RC3H1: variants seen among roughly 807,000 people sequenced by gnomAD.
RC3H1 encodes roquin-1.
A neutral mutation model predicts 138.2 loss-of-function variants in RC3H1; 50 were observed. The observed-to-expected ratio is 0.36, with a 90% CI of 0.29 to 0.46. The LOEUF (loss-of-function observed/expected upper bound fraction) is 0.46, where lower values mean the gene tolerates loss of function less well. RC3H1 is among the 20% of genes least tolerant of loss of function. The pLI is 1.00. For missense variants in RC3H1, 1,031 were observed against 1,388.1 expected (o/e 0.74, Z 4.09); for synonymous variants, 462 against 489.1 (o/e 0.94, Z 0.73).
chr1:173,973,893 A>G (rs1212827433), intron 7 of RC3H1, among the ~76,000 whole-genome samples: 1 of 152,200 alleles, frequency 6.6e-6, no homozygotes, highest in Non-Finnish European at 1.5e-5. Context: ...TGGGTAAGCA[A>G]TAGTGATTAA....
chr1:173,970,255 A>G (rs1660298254), intron 9 of RC3H1, among the ~76,000 whole-genome samples: 1 of 152,202 alleles, frequency 6.6e-6, no homozygotes, highest in South Asian at 2.1e-4. Context: ...AATTTTGTGC[A>G]TGAAGTTTTG....
At chr1:173,983,141 T>C (rs1660889019) in intron 4 of RC3H1, 1 of 478,056 alleles carries the variant, frequency 2.1e-6, no homozygotes, top group Non-Finnish European at 3.6e-6. Flanking sequence ...TCTATCAAAA[T>C]GAATGAACTT....
intron 13 of RC3H1, among the ~76,000 whole-genome samples, chr1:173,956,584 A>G (rs1659656534): frequency 6.6e-6 from 1 of 150,612 alleles, no homozygotes; most frequent in Non-Finnish European, 1.5e-5. Context: ...ACTTGAACCC[A>G]GGAGGCGGAG....
In RC3H1 at chr1:173,938,767, T is replaced by C. The variant is rs1557915185; in HGVS notation, c.3356A>G (p.Asn1119Ser). 9 of 1,613,424 alleles carry C rather than the reference T, an allele frequency of 5.6e-6. No individual in the cohort carries two copies. The highest frequency in any genetic ancestry group is 6.8e-6 in the Non-Finnish European group (8 of 1,179,452). ...LSEDPEGGGD[N>S]NDSQRSGVTP... ...AACTCCTGATCTCTGGGAGTCATTA[T>C]TATCCCCTCCTCCCTCAGGGTCCTC... The change falls in exon 20 of 20, where the codon AAT becomes AGT. Residue 1119 changes from asparagine (N) to serine (S), a missense_variant. Asn to Ser is a conservative substitution (Grantham distance 46). This residue lies in a region of RC3H1 where 716 missense variants were observed against 837.9 expected (regional missense o/e 0.85). Transcript: ENST00000367696.
intron 7 of RC3H1, among the ~76,000 whole-genome samples, chr1:173,977,351 T>C (rs1422372502): frequency 6.6e-6 from 1 of 152,074 alleles, no homozygotes; most frequent in Non-Finnish European, 1.5e-5. Context: ...GCAGGGGATA[T>C]AGGGGTATTG....
Position 173,964,936 on chromosome 1 carries a change from G to C in RC3H1, c.1519C>G (p.Leu507Val). The change falls in exon 10 of 20, where the codon CTT becomes GTT. Residue 507 changes from leucine (L) to valine (V), a missense_variant. By Grantham distance (32) the Leu-to-Val change is conservative. Transcript: ENST00000367696. ...IVSTGNTVTQLIPRGTDPSYD... is the reference protein window; with the variant it reads ...IVSTGNTVTQVIPRGTDPSYD... ...CTGGGGTCTGTCCCTCGCGGAATAAGCTGTGTTACTGTATTCCCTGTTGAT... is the reference window on the plus strand; with the variant it reads ...CTGGGGTCTGTCCCTCGCGGAATAACCTGTGTTACTGTATTCCCTGTTGAT... The C allele has an allele frequency of 6.2e-7, 1 of 1,614,088 alleles. No homozygotes were observed. Among genetic ancestry groups the C allele is most frequent in the Non-Finnish European group, 8.5e-7 (1 of 1,179,986 alleles).
chr1:174,019,820 A>G (rs72711438), intron 1 of RC3H1, among the ~76,000 whole-genome samples: 17 of 152,222 alleles, frequency 1.1e-4, no homozygotes, highest in Non-Finnish European at 2.1e-4. Flanking sequence ...AATTCCCTAA[A>G]TTTTTTTCCT....
chr1:173,936,490 G>T lies in RC3H1; in HGVS notation c.*2231C>A, dbSNP rs1170521025. The T allele has an allele frequency of 7.9e-6, 1 of 127,294 alleles. No homozygotes were observed. The highest frequency in any genetic ancestry group is 1.6e-5 in the Non-Finnish European group (1 of 63,608). The allele number at this position is 127,294 out of a possible 1,614,324, so 7.9% of individuals were successfully genotyped here. A position where few individuals can be genotyped will look rare whatever the true frequency, so the allele number is the denominator to read the frequency against. On this transcript the variant is annotated 3_prime_UTR_variant, in exon 20 of 20. Transcript: ENST00000367696. ...GATCAACCCACTGCACTCCAGCCTGGGCAACAGAAGCAGACTCCCTCTCCA... is the reference window on the plus strand; with the variant it reads ...GATCAACCCACTGCACTCCAGCCTGTGCAACAGAAGCAGACTCCCTCTCCA...
At chr1:173,975,218 C>T (rs1289124967) in intron 7 of RC3H1, among the ~76,000 whole-genome samples, 2 of 152,132 alleles carry the variant, frequency 1.3e-5, no homozygotes, top group Non-Finnish European at 2.9e-5. Context: ...GTCTCAGCCT[C>T]CCAAGTAGCT....
intron 2 of RC3H1, among the ~76,000 whole-genome samples, chr1:173,986,258 C>T (rs1661028097): frequency 6.6e-6 from 1 of 152,180 alleles, no homozygotes; most frequent in Admixed American, 6.5e-5. Flanking sequence ...CCAATATCAA[C>T]ATATTCATAA....
At chr1:173,967,384 A>G (rs74126480) in intron 9 of RC3H1, among the ~76,000 whole-genome samples, 4,987 of 152,286 alleles carry the variant, frequency 0.033, 99 homozygotes, top group Middle Eastern at 0.095. Context: ...CAAATAAGCA[A>G]AGGCAGAATG....
chr1:174,003,903 C>T (rs1186240794), intron 1 of RC3H1, among the ~76,000 whole-genome samples: 3 of 151,628 alleles, frequency 2.0e-5, no homozygotes, highest in African/African-American at 2.4e-5. Flanking sequence ...CCTTGTGATC[C>T]GCCCACCTCG....
chr1:174,004,709 T>C (rs1387863142), intron 1 of RC3H1, among the ~76,000 whole-genome samples: 2 of 150,306 alleles, frequency 1.3e-5, no homozygotes, highest in Non-Finnish European at 3.0e-5. Context: ...TCCCAGCTAC[T>C]AGGGAGGCTG....
rs756034046 is a variant in RC3H1 at position 173,962,104 on chromosome 1, T to A, written c.1832-9A>T. The A allele has an allele frequency of 6.3e-7, 1 of 1,577,974 alleles. No individual in the cohort carries two copies. Among genetic ancestry groups the A allele is most frequent in the South Asian group, 1.1e-5 (1 of 87,574 alleles). On this transcript the variant is annotated splice_polypyrimidine_tract_variant and intron_variant, in intron 11 of 19. Coordinates refer to ENST00000367696, the MANE Select transcript of RC3H1 (RefSeq NM_172071.4). Reference sequence around the variant, plus strand: ...TGGAGTATAATACATACCTGCACAATACAAAAGAGGACCCAAAAGCAAATA... The same window carrying A: ...TGGAGTATAATACATACCTGCACAAAACAAAAGAGGACCCAAAAGCAAATA...
intron 14 of RC3H1, among the ~76,000 whole-genome samples, 159 bp from the exon 15 acceptor site, chr1:173,947,741 T>C (rs1169152764): frequency 1.3e-5 from 2 of 152,174 alleles, no homozygotes; most frequent in Non-Finnish European, 2.9e-5. Flanking sequence ...ACACTGGTTT[T>C]TAAACCTCTG....
In RC3H1 at chr1:173,936,754, TA is replaced by T. The variant is rs1658610942; in HGVS notation, c.*1966del. On this transcript the variant is annotated 3_prime_UTR_variant, in exon 20 of 20. Coordinates refer to ENST00000367696, the MANE Select transcript of RC3H1 (RefSeq NM_172071.4). ...ACATATATATATATATATATATATATATATATATTTTTTTTTTTTTTTTTAA... is the reference window on the plus strand; with the variant it reads ...ACATATATATATATATATATATATATTATATATTTTTTTTTTTTTTTTTAA... 6 of 35,862 alleles carry T rather than the reference TA, an allele frequency of 1.7e-4. No homozygotes were observed. Among genetic ancestry groups the T allele is most frequent in the Non-Finnish European group, 2.4e-4 (6 of 24,722 alleles). 2.2% of individuals were successfully genotyped at this position (35,862 alleles called of 1,614,324 possible).
chr1:174,016,250 C>G (rs1303890618), intron 1 of RC3H1: 2 of 152,040 alleles, frequency 1.3e-5, no homozygotes. Flanking sequence ...AGTACATTAG[C>G]TTTCCACTAA....
intron 1 of RC3H1, among the ~76,000 whole-genome samples, chr1:174,016,842 C>T (rs1219565103): frequency 6.6e-6 from 1 of 151,836 alleles, no homozygotes; most frequent in African/African-American, 2.4e-5. Context: ...AGTTTATTAC[C>T]CTTTATTCTA....
Position 173,961,820 on chromosome 1 carries a change from A to C in RC3H1, c.2107T>G (p.Ser703Ala). Residue 703 changes from serine to alanine, a missense_variant, in exon 12 of 20, where the codon TCG becomes GCG. This residue lies in a region of RC3H1 where 716 missense variants were observed against 837.9 expected (regional missense o/e 0.85). Transcript: ENST00000367696. ...CTTTCTCTGGATTCTGGTACATACG[A>C]TGGTACTGCTGCAGGTGGAATCTCA... ...PIEIPPAAVP[S>A]YVPESRERYQ... 1 of 1,613,894 alleles carries C rather than the reference A, an allele frequency of 6.2e-7. No homozygotes were observed. The highest frequency in any genetic ancestry group is 1.1e-5 in the South Asian group (1 of 91,064).
Sources: gnomAD v4.1 joint callset for allele counts (sites outside exome capture counted in the v4.1 genomes callset) on GRCh38, gnomAD v4.1.1 for gene constraint, gnomAD v4.1.1 regional missense constraint, MANE v1.5 for transcripts, NCBI Gene and HGNC (gene_info 2026-07-23, HGNC 2026-07-21) for gene names.